The following PCDH15 variants were observed in gnomAD, a reference collection of about 807,000 sequenced individuals.
PCDH15 encodes the protein protocadherin related 15.
A neutral mutation model predicts 178.5 loss-of-function variants in PCDH15; 129 were observed. The ratio of observed to expected loss-of-function variants is 0.72; its 90% CI spans 0.63 to 0.84. The LOEUF (loss-of-function observed/expected upper bound fraction) is 0.84. PCDH15 is among the 40% of genes least tolerant of loss of function. PCDH15 has a pLI of 0.00. For synonymous variants in PCDH15, 800 were observed against 732.0 expected, an observed-to-expected ratio of 1.09 and a Z score of -1.50; for missense variants, 2,230 against 2,099.9, an observed-to-expected ratio of 1.06 and a Z score of -1.21.
intron 18 of PCDH15, among the ~76,000 whole-genome samples, chr10:54,027,398 T>C: frequency 6.6e-6 from 1 of 152,074 alleles, no homozygotes; most frequent in Non-Finnish European, 1.5e-5. Flanking sequence ...GCCATCCCCA[T>C]CAAGCTACCA....
At chr10:54,235,599 C>A (rs1265821443) in intron 9 of PCDH15, among the ~76,000 whole-genome samples, 2 of 152,192 alleles carry the variant, frequency 1.3e-5, no homozygotes, top group African/African-American at 4.8e-5. Flanking sequence ...GCTCTCCTCT[C>A]ATGAGCCTAC....
chr10:54,797,384 C>G lies in PCDH15; in HGVS notation c.-29+3541G>C, dbSNP rs374367183. On this transcript the variant is annotated intron_variant, in intron 1 of 37. Coordinates refer to ENST00000644397, the MANE Select transcript of PCDH15 (RefSeq NM_001384140.1). The stretch of plus-strand genomic sequence containing the variant: ...CATTTATAGCTTCAATAGCCATGAT[C>G]TAATTTTAAGGGTGAATGCAACCTT... 3.0e-4 allele frequency among the ~76,000 whole-genome samples: 46 copies of G among 151,956 alleles called. No individual in the cohort carries two copies. In the East Asian group the frequency reaches 6.8e-3, roughly 23 times the overall value.
intron 1 of PCDH15, among the ~76,000 whole-genome samples, chr10:55,272,512 C>G (rs1489478317): frequency 6.6e-6 from 1 of 151,780 alleles, no homozygotes; most frequent in Non-Finnish European, 1.5e-5. Context: ...TCAAGCGATT[C>G]TCCTGCCTAC....
intron 10 of PCDH15, among the ~76,000 whole-genome samples, chr10:54,211,224 A>C: frequency 6.9e-6 from 1 of 144,966 alleles, no homozygotes; most frequent in East Asian, 1.9e-4. Flanking sequence ...CAAATAACTT[A>C]TCCAAACTGG....
At position 54,965,608 on chromosome 10, in the gene PCDH15, C is replaced by CATATAT. The variant is rs71461263; in HGVS notation, c.-79-68114_-79-68109dup. 3.5e-3 allele frequency among the ~76,000 whole-genome samples: 492 copies of CATATAT among 141,398 alleles called. 3 individuals carry two copies. Among genetic ancestry groups the CATATAT allele is most frequent in the African/African-American group, 0.011 (420 of 38,132 alleles). The allele number at this position is 141,398 out of a possible 152,430, so 92.8% of individuals were successfully genotyped here. A position where few individuals can be genotyped will look rare whatever the true frequency, so the allele number is the denominator to read the frequency against. ...AGTATGGTTTTGTGAAACTTTGCTT[C>CATATAT]ATATATATATATATATATATATATA... is the stretch of plus-strand genomic sequence containing the variant. On this transcript the variant is annotated intron_variant, in intron 2 of 5. Transcript: ENST00000458638.
At chr10:55,328,439 A>G (rs1565014417) in intron 2 of PCDH15, among the ~76,000 whole-genome samples, 1 of 151,874 alleles carries the variant, frequency 6.6e-6, no homozygotes, top group East Asian at 1.9e-4. Context: ...TGAATACTGT[A>G]GGCAATTGAA....
intron 2 of PCDH15, among the ~76,000 whole-genome samples, chr10:55,605,055 A>C (rs1176898177): frequency 6.6e-6 from 1 of 152,040 alleles, no homozygotes; most frequent in Non-Finnish European, 1.5e-5. Flanking sequence ...AAAAAATGAT[A>C]AAGGGGATAT....
rs571729688 is a variant in PCDH15, at chr10:54,850,180, T to C, written c.-29+47270A>G. The stretch of plus-strand genomic sequence containing the variant: ...TGACTTTTAATAATATCTACCAATT[T>C]TTTGCTAAGAAGATTTTTCTTAGTT... On this transcript the variant is annotated intron_variant, in intron 3 of 5. Coordinates refer to the PCDH15 transcript ENST00000458638. Among the ~76,000 whole-genome samples, 127 of 152,288 alleles carry C rather than the reference T, an allele frequency of 8.3e-4. No individual in the cohort carries two copies. In the Middle Eastern group the frequency reaches 0.014, roughly 16 times the overall value.
chr10:54,828,129 A>G (rs1953160930), intron 3 of PCDH15, among the ~76,000 whole-genome samples: 1 of 151,970 alleles, frequency 6.6e-6, no homozygotes, highest in Admixed American at 6.6e-5. Flanking sequence ...GGTTACAGGG[A>G]AGCAAATGTT....
At chr10:55,295,159 T>C (rs971388611) in intron 1 of PCDH15, among the ~76,000 whole-genome samples, 2 of 152,216 alleles carry the variant, frequency 1.3e-5, no homozygotes, top group African/African-American at 4.8e-5. Context: ...ATTTCTAACA[T>C]ACCACTCCTG....
chr10:54,448,958 T>C (rs2076303914), intron 3 of PCDH15, among the ~76,000 whole-genome samples: 1 of 151,722 alleles, frequency 6.6e-6, no homozygotes, highest in African/African-American at 2.4e-5. Context: ...TGATAAAAAG[T>C]TTCACTCTAT....
chr10:54,656,464 C>T (rs963781264), intron 2 of PCDH15, among the ~76,000 whole-genome samples: 1 of 152,116 alleles, frequency 6.6e-6, no homozygotes, highest in South Asian at 2.1e-4. Flanking sequence ...TGGAAAATTC[C>T]CAAAGACAGA....
intron 2 of PCDH15, among the ~76,000 whole-genome samples, chr10:55,159,047 A>T (rs1198571968): frequency 6.6e-6 from 1 of 152,036 alleles, no homozygotes; most frequent in Non-Finnish European, 1.5e-5. Flanking sequence ...TTTAAAAATG[A>T]TGAAAGGGAG....
chr10:54,564,129 C>CT (rs1565608813), intron 2 of PCDH15, among the ~76,000 whole-genome samples: 1 of 118,900 alleles, frequency 8.4e-6, no homozygotes, highest in Non-Finnish European at 2.0e-5. Flanking sequence ...CCTTGTTTTT[C>CT]CCCCCCACAT....
chr10:54,490,330 G>T (rs922954957), intron 3 of PCDH15, among the ~76,000 whole-genome samples: 1 of 151,848 alleles, frequency 6.6e-6, no homozygotes, highest in African/African-American at 2.4e-5. Flanking sequence ...GGTGCCTGTA[G>T]TCCCAACTAC....
chr10:54,017,739 A>G (rs1232498143), intron 20 of PCDH15, among the ~76,000 whole-genome samples: 1 of 152,116 alleles, frequency 6.6e-6, no homozygotes, highest in Non-Finnish European at 1.5e-5. Flanking sequence ...AAACCTCAGC[A>G]TCATGCAATA....
At chr10:54,533,005 G>C (rs11004351) in intron 2 of PCDH15, among the ~76,000 whole-genome samples, 15,973 of 152,154 alleles carry the variant, frequency 0.1, 1,385 homozygotes, top group African/African-American at 0.23. Flanking sequence ...ATGCCCTGAG[G>C]TACTGGGCTA....
chr10:54,606,681 A>T (rs956691664), intron 2 of PCDH15: 1 of 152,134 alleles, frequency 6.6e-6, no homozygotes, highest in Non-Finnish European at 1.5e-5. Flanking sequence ...TGGAATCAGC[A>T]ACCAAAAGAC....
rs927597999 is a variant in PCDH15 at position 54,873,828 on chromosome 10, T to C, written c.-29+23622A>G. 7.4e-5 allele frequency among the ~76,000 whole-genome samples: 11 copies of C among 149,174 alleles called. No homozygotes were observed. In the East Asian group the frequency reaches 2.1e-3, roughly 29 times the overall value. ...TCTACTGATATAAGAAAAATAATAA[T>C]TTAATCAAGTGGGCATTCTGCCTAT... is the stretch of plus-strand genomic sequence containing the variant. On this transcript the variant is annotated intron_variant, in intron 3 of 5. Coordinates refer to the PCDH15 transcript ENST00000458638.
Sources: gnomAD v4.1 joint callset for allele counts (sites outside exome capture counted in the v4.1 genomes callset) on GRCh38, gnomAD v4.1.1 for gene constraint, MANE v1.5 for transcripts, NCBI Gene and HGNC (gene_info 2026-07-23, HGNC 2026-07-21) for gene names.